Variants in AFF4 observed in about 807,000 individuals in gnomAD.
AFF4 encodes the protein AF4/FMR2 family member 4.
AFF4 carries 13 observed loss-of-function variants against 124.8 expected under a neutral mutation model. That is an observed-to-expected ratio of 0.10 (90% confidence interval 0.07 to 0.17). The LOEUF is 0.17. Among genes scored for constraint, AFF4 ranks in the 10% least tolerant of loss-of-function variants. The pLI, the probability that AFF4 is intolerant of heterozygous loss-of-function variation, is 1.00. For synonymous variants in AFF4, 477 were observed against 496.1 expected (o/e 0.96, Z 0.51); for missense variants, 1,092 against 1,403.8 (o/e 0.78, Z 3.55).
chr5:132,917,705 C>CTTTTTTTTTTTTTTTTTTTTTTTTTTTTT, intron 5 of AFF4, among the ~76,000 whole-genome samples: 1 of 74,050 alleles, frequency 1.4e-5, no homozygotes. Context: ...CTTTTCTTTT[C>CTTTTTTTTTTTTTTTTTTTTTTTTTTTTT]TTTTTTTTTT....
rs1365269777 is a variant in AFF4 at position 132,887,574 on chromosome 5, C to T, written c.2952G>A (p.Lys984=). 1 of 1,613,758 alleles carries T rather than the reference C, an allele frequency of 6.2e-7. No individual in the cohort carries two copies. Among genetic ancestry groups the T allele is most frequent in the South Asian group, 1.1e-5 (1 of 91,074 alleles). ...VDLIKYTMKL[K]NYLAPDATAA... ...CTGTAGCATCTGGTGCCAAGTAATT[C>T]TTTAGCTTCATAGTGTATCTGTTGA... The change falls in exon 17 of 21, where the codon AAG becomes AAA. Residue 984 remains lysine, a synonymous_variant. Coordinates refer to ENST00000265343, the MANE Select transcript of AFF4 (RefSeq NM_014423.4).
chr5:132,955,550 G>A (rs372067737), intron 1 of AFF4, among the ~76,000 whole-genome samples: 74 of 152,050 alleles, frequency 4.9e-4, no homozygotes, highest in African/African-American at 1.5e-3. Context: ...AGGCCAAGGC[G>A]GGCAGATCAC....
chr5:132,894,229 T>C (rs1760332410), intron 11 of AFF4, among the ~76,000 whole-genome samples: 1 of 152,250 alleles, frequency 6.6e-6, no homozygotes, highest in Non-Finnish European at 1.5e-5. Context: ...ACTCTATGTT[T>C]AACTTTTTCA....
chr5:132,937,056 G>C lies in AFF4; in HGVS notation c.123+11C>G. 1 of 1,589,474 alleles carries C rather than the reference G, an allele frequency of 6.3e-7. No homozygotes were observed. Among genetic ancestry groups the C allele is most frequent in the Middle Eastern group, 1.9e-4 (1 of 5,252 alleles). On this transcript the variant is annotated intron_variant, in intron 2 of 20. Coordinates refer to ENST00000265343, the MANE Select transcript of AFF4 (RefSeq NM_014423.4). ...TAATGGGAAAAAAACATTCACAGAAGGGCAACTTACAACTTTGTATGGCTC... is the reference window on the plus strand; with the variant it reads ...TAATGGGAAAAAAACATTCACAGAACGGCAACTTACAACTTTGTATGGCTC...
chr5:132,954,092 C>T (rs1761899721), intron 1 of AFF4, among the ~76,000 whole-genome samples: 1 of 152,206 alleles, frequency 6.6e-6, no homozygotes, highest in African/African-American at 2.4e-5. Flanking sequence ...AGTGTGCATT[C>T]CAGATTCAGG....
At chr5:132,949,847 CAAAAAAAAAAA>C in intron 1 of AFF4, among the ~76,000 whole-genome samples, 1 of 100,196 alleles carries the variant, frequency 1.0e-5, no homozygotes, top group East Asian at 2.8e-4. Flanking sequence ...GACTCTGTCT[CAAAAAAAAAAA>C]AAAAAAAAAG....
chr5:132,890,591 T>C (rs964918551), intron 13 of AFF4, among the ~76,000 whole-genome samples: 6 of 152,234 alleles, frequency 3.9e-5, no homozygotes, highest in African/African-American at 9.6e-5. Context: ...CTTTAGTTGA[T>C]AGAATAAAAA....
At chr5:132,933,862 C>G (rs1258449249) in intron 3 of AFF4, among the ~76,000 whole-genome samples, 1 of 152,190 alleles carries the variant, frequency 6.6e-6, no homozygotes, top group South Asian at 2.1e-4. Context: ...ATGCAGAAAT[C>G]TAAGATATCA....
At chr5:132,914,913 A>C (rs539260179) in intron 5 of AFF4, among the ~76,000 whole-genome samples, 54 of 152,336 alleles carry the variant, frequency 3.5e-4, no homozygotes, top group Middle Eastern at 3.4e-3. Context: ...ATAAACAACG[A>C]AAGATCATTC....
intron 1 of AFF4, among the ~76,000 whole-genome samples, chr5:132,958,508 AGAGATT>A (rs1762011002): frequency 6.6e-6 from 1 of 150,776 alleles, no homozygotes; most frequent in African/African-American, 2.4e-5. Flanking sequence ...AAAGTGATGC[AGAGATT>A]GAAAGGAAGT....
chr5:132,917,128 A>G (rs1012836910), intron 5 of AFF4, among the ~76,000 whole-genome samples: 1 of 152,152 alleles, frequency 6.6e-6, no homozygotes, highest in African/African-American at 2.4e-5. Context: ...CATGTTGGTC[A>G]GGCTGATCTC....
chr5:132,939,367 A>G (rs1394767593), intron 1 of AFF4, among the ~76,000 whole-genome samples: 2 of 152,246 alleles, frequency 1.3e-5, no homozygotes, highest in African/African-American at 4.8e-5. Flanking sequence ...AGCACTCTAT[A>G]GAACTCTATT....
At chr5:132,959,562 G>C (rs1387390520) in intron 1 of AFF4, among the ~76,000 whole-genome samples, 1 of 151,970 alleles carries the variant, frequency 6.6e-6, no homozygotes, top group Non-Finnish European at 1.5e-5. Context: ...AATATTTTCT[G>C]TGCCCCAGTA....
intron 5 of AFF4, among the ~76,000 whole-genome samples, chr5:132,908,668 A>G (rs1454681521): frequency 2.0e-5 from 3 of 150,896 alleles, no homozygotes; most frequent in African/African-American, 7.3e-5. Flanking sequence ...TACATAAACA[A>G]TGACAATATT....
intron 1 of AFF4, among the ~76,000 whole-genome samples, chr5:132,961,678 C>G (rs60676344): frequency 0.038 from 5,748 of 152,264 alleles, 318 homozygotes; most frequent in African/African-American, 0.13. Context: ...TCACCTTACA[C>G]TCCCAAACTG....
intron 13 of AFF4, among the ~76,000 whole-genome samples, chr5:132,891,446 T>C (rs1760254554): frequency 6.6e-6 from 1 of 152,190 alleles, no homozygotes; most frequent in Non-Finnish European, 1.5e-5. Flanking sequence ...AACAACCTGG[T>C]AAACAAATTG....
intron 1 of AFF4, chr5:132,943,645 T>G (rs1761626993): frequency 4.5e-6 from 1 of 222,942 alleles, no homozygotes; most frequent in Admixed American, 4.5e-5. Flanking sequence ...CCATGAAGCT[T>G]TGAGTGAAGT....
rs373664623 is a variant in AFF4, at chr5:132,935,103, T to TC, written c.124-163dup. ...TACCTTGAAGCAAACTCCAAATATA[T>TC]CATTTCTGTAGTGAAAAAAAAAATC... On this transcript the variant is annotated intron_variant, in intron 2 of 20. Transcript: ENST00000265343. Among the ~76,000 whole-genome samples, 297 of 152,040 alleles carry TC rather than the reference T, an allele frequency of 2.0e-3. 1 individual carries two copies. Among genetic ancestry groups the TC allele is most frequent in the African/African-American group, 6.9e-3 (286 of 41,448 alleles).
At chr5:132,886,645 T>C (rs984299782) in intron 17 of AFF4, among the ~76,000 whole-genome samples, 4 of 152,172 alleles carry the variant, frequency 2.6e-5, no homozygotes, top group African/African-American at 9.7e-5. Flanking sequence ...AATCCAAACC[T>C]TATCCATAGG....
Sources: gnomAD v4.1 joint callset for allele counts (sites outside exome capture counted in the v4.1 genomes callset) on GRCh38, gnomAD v4.1.1 for gene constraint, MANE v1.5 for transcripts, NCBI Gene and HGNC (gene_info 2026-07-23, HGNC 2026-07-21) for gene names.